MYT1L: variants seen among roughly 807,000 people sequenced by gnomAD.
MYT1L encodes myelin transcription factor 1 like.
MYT1L carries 12 observed loss-of-function variants against 126.7 expected under a neutral mutation model. The observed-to-expected ratio is 0.09, with a 90% confidence interval of 0.06 to 0.15. MYT1L has a LOEUF of 0.15. MYT1L is among the 10% of genes least tolerant of loss of function. MYT1L has a pLI of 1.00. For missense variants in MYT1L, 979 were observed against 1,585.2 expected, an observed-to-expected ratio of 0.62 and a Z score of 6.49; for synonymous variants, 541 against 604.2, an observed-to-expected ratio of 0.90 and a Z score of 1.53.
chr2:2,309,201 C>T (rs532077683), intron 1 of MYT1L, among the ~76,000 whole-genome samples: 11 of 151,820 alleles, frequency 7.2e-5, no homozygotes, highest in African/African-American at 1.2e-4. Flanking sequence ...GTATACTCTA[C>T]CCATACTCCA....
chr2:1,885,547 T>C (rs1006938370), intron 18 of MYT1L: 11 of 152,684 alleles, frequency 7.2e-5, no homozygotes, highest in African/African-American at 2.7e-4. Context: ...GCAATAGTCC[T>C]GGTCTATCGT....
At chr2:1,795,914 G>A (rs779571789) in intron 23 of MYT1L, among the ~76,000 whole-genome samples, 1 of 152,140 alleles carries the variant, frequency 6.6e-6, no homozygotes, top group Non-Finnish European at 1.5e-5. Flanking sequence ...AGACCTCAGC[G>A]TTTCTTAGAT....
chr2:2,246,609 C>T (rs1416318616), intron 2 of MYT1L, among the ~76,000 whole-genome samples: 16 of 152,180 alleles, frequency 1.1e-4, no homozygotes, highest in Admixed American at 1.0e-3. Flanking sequence ...TTATTGAGTG[C>T]CTACTGTGTA....
chr2:1,862,714 G>T (rs545344547), intron 18 of MYT1L, among the ~76,000 whole-genome samples: 1 of 152,182 alleles, frequency 6.6e-6, no homozygotes, highest in East Asian at 1.9e-4. Context: ...TACAAAGAGG[G>T]CCAAAGAGGG....
intron 21 of MYT1L, among the ~76,000 whole-genome samples, chr2:1,812,911 G>T (rs891201049): frequency 6.7e-5 from 10 of 150,100 alleles, no homozygotes. Context: ...CTTGAATGCA[G>T]CTGCCGCCCT....
intron 14 of MYT1L, among the ~76,000 whole-genome samples, chr2:1,892,897 G>A (rs1458925783): frequency 6.6e-6 from 1 of 152,228 alleles, no homozygotes; most frequent in Non-Finnish European, 1.5e-5. Flanking sequence ...GATAGGGTGA[G>A]TCCAACATCC....
At chr2:1,858,086 A>G (rs1421579807) in intron 18 of MYT1L, among the ~76,000 whole-genome samples, 3 of 152,028 alleles carry the variant, frequency 2.0e-5, no homozygotes, top group Non-Finnish European at 4.4e-5. Context: ...CTGGTCTCAA[A>G]CTCCTGACCT....
At chr2:1,876,358 G>A (rs1250960682) in intron 18 of MYT1L, among the ~76,000 whole-genome samples, 3 of 152,042 alleles carry the variant, frequency 2.0e-5, no homozygotes, top group African/African-American at 2.4e-5. Context: ...ATGCGTCCAC[G>A]CGTGGCCTTC....
At chr2:2,277,979 T>C (rs2095390803) in intron 2 of MYT1L, among the ~76,000 whole-genome samples, 2 of 152,270 alleles carry the variant, frequency 1.3e-5, no homozygotes, top group South Asian at 4.1e-4. Flanking sequence ...TATTAAGTTA[T>C]TTCTGCTTTT....
chr2:2,001,456 T>C (rs1363636108), intron 4 of MYT1L, among the ~76,000 whole-genome samples: 1 of 152,210 alleles, frequency 6.6e-6, no homozygotes, highest in Non-Finnish European at 1.5e-5. Flanking sequence ...CACTGTGTGG[T>C]TAATATCTCA....
intron 23 of MYT1L, among the ~76,000 whole-genome samples, chr2:1,796,050 C>T (rs1225704761): frequency 1.3e-5 from 2 of 152,126 alleles, no homozygotes; most frequent in Admixed American, 1.3e-4. Flanking sequence ...AAAACAAAAA[C>T]AAAAGAATAA....
intron 2 of MYT1L, among the ~76,000 whole-genome samples, chr2:2,233,876 A>G (rs907342307): frequency 1.3e-5 from 2 of 152,184 alleles, no homozygotes; most frequent in African/African-American, 2.4e-5. Context: ...TACAGGAGAA[A>G]CAGCCACTGC....
At chr2:2,172,175 C>G (rs994675167) in intron 3 of MYT1L, among the ~76,000 whole-genome samples, 2 of 152,104 alleles carry the variant, frequency 1.3e-5, no homozygotes, top group African/African-American at 4.8e-5. Flanking sequence ...TATGTGCTGC[C>G]AGGCAGCAGC....
chr2:2,233,237 C>A (rs2094201608), intron 2 of MYT1L, among the ~76,000 whole-genome samples: 1 of 152,172 alleles, frequency 6.6e-6, no homozygotes, highest in South Asian at 2.1e-4. Flanking sequence ...AGTGACAGGG[C>A]CAGGAGGGTC....
At chr2:2,287,411 C>T (rs975565606) in intron 1 of MYT1L, among the ~76,000 whole-genome samples, 8 of 151,994 alleles carry the variant, frequency 5.3e-5, no homozygotes, top group Admixed American at 5.2e-4. Context: ...TGTTAAGCAT[C>T]GCCAGCATCC....
intron 9 of MYT1L, among the ~76,000 whole-genome samples, chr2:1,925,021 A>G (rs2054042811): frequency 6.6e-6 from 1 of 152,188 alleles, no homozygotes; most frequent in Admixed American, 6.5e-5. Flanking sequence ...AAGCTGTGTT[A>G]CCTCTGCACA....
intron 12 of MYT1L, among the ~76,000 whole-genome samples, chr2:1,911,419 G>T (rs2051952153): frequency 6.6e-6 from 1 of 152,120 alleles, no homozygotes; most frequent in Admixed American, 6.5e-5. Flanking sequence ...AATATTATGG[G>T]CAGCTGAGTA....
intron 2 of MYT1L, among the ~76,000 whole-genome samples, chr2:2,220,912 G>T (rs2093845545): frequency 6.6e-6 from 1 of 152,208 alleles, no homozygotes; most frequent in East Asian, 1.9e-4. Context: ...TGATGGTGAT[G>T]ATTTGAACAA....
chr2:2,016,001 G>A (rs2064347217), intron 4 of MYT1L, among the ~76,000 whole-genome samples: 2 of 152,294 alleles, frequency 1.3e-5, no homozygotes, highest in South Asian at 2.1e-4. Context: ...GGAGGGGCTG[G>A]AACCTAAAAG....
Sources: allele counts gnomAD v4.1 joint callset (sites outside exome capture counted in the v4.1 genomes callset), GRCh38; gene constraint gnomAD v4.1.1; transcripts MANE v1.5; gene names NCBI Gene and HGNC (gene_info 2026-07-23, HGNC 2026-07-21).